The following ATP8A2 variants were observed in gnomAD, a reference collection of about 807,000 sequenced individuals.
The protein encoded by ATP8A2 is phospholipid-transporting ATPase IB.
A neutral mutation model predicts 165.6 loss-of-function variants in ATP8A2; 100 were observed. The observed-to-expected ratio is 0.60, with a 90% CI of 0.51 to 0.71. ATP8A2 has a LOEUF of 0.71. ATP8A2 is among the 30% of genes least tolerant of loss of function. ATP8A2 has a pLI of 0.00. For synonymous variants in ATP8A2, 543 were observed against 548.8 expected (o/e 0.99, Z 0.15); for missense variants, 1,227 against 1,479.5 (o/e 0.83, Z 2.80).
chr13:25,532,515 T>C (rs553408911), intron 5 of ATP8A2, among the ~76,000 whole-genome samples, 198 bp downstream of exon 5: 115 of 152,310 alleles, frequency 7.6e-4, no homozygotes, highest in African/African-American at 2.7e-3. Flanking sequence ...ATTTGTGTAT[T>C]TTAGAATGTT....
intron 25 of ATP8A2, among the ~76,000 whole-genome samples, chr13:25,768,089 G>T (rs576416455): frequency 9.4e-5 from 11 of 117,220 alleles, no homozygotes; most frequent in African/African-American, 3.5e-4. Flanking sequence ...GGGGGGGGTG[G>T]TGGGGGGGCA....
intron 26 of ATP8A2, 105 bp downstream of exon 26, chr13:25,769,334 CT>C: frequency 8.9e-7 from 1 of 1,123,572 alleles, no homozygotes; most frequent in Admixed American, 2.6e-5. Flanking sequence ...TCTGCCACCC[CT>C]CTTGAGGTTG....
intron 2 of ATP8A2, among the ~76,000 whole-genome samples, chr13:25,490,617 A>C (rs2036496736): frequency 6.6e-6 from 1 of 152,198 alleles, no homozygotes; most frequent in Non-Finnish European, 1.5e-5. Context: ...CTAAAAGTCC[A>C]TCTGCTTTTA....
intron 32 of ATP8A2, 50 bp downstream of exon 32, chr13:25,860,910 G>T: frequency 7.8e-7 from 1 of 1,281,678 alleles, no homozygotes; most frequent in African/African-American, 1.5e-5. Flanking sequence ...TATTTTTCAT[G>T]CTAGGATTTC....
intron 24 of ATP8A2, among the ~76,000 whole-genome samples, chr13:25,667,651 T>A (rs1026346639): frequency 3.4e-5 from 5 of 147,466 alleles, no homozygotes; most frequent in African/African-American, 9.9e-5. Context: ...CTTTTTTTTT[T>A]TATAAATTAC....
intron 33 of ATP8A2, among the ~76,000 whole-genome samples, chr13:25,924,344 CCT>C (rs1347890070): frequency 1.3e-5 from 2 of 152,120 alleles, no homozygotes; most frequent in African/African-American, 4.8e-5. Flanking sequence ...GGGTTGGTTC[CCT>C]CTCAGAGCAG....
chr13:25,438,295 A>G (rs2034835845), intron 1 of ATP8A2, among the ~76,000 whole-genome samples: 1 of 152,204 alleles, frequency 6.6e-6, no homozygotes, highest in Non-Finnish European at 1.5e-5. Flanking sequence ...GATGATTTCC[A>G]TTGAAAGATT....
intron 27 of ATP8A2, among the ~76,000 whole-genome samples, chr13:25,792,934 G>A (rs1410626747): frequency 6.8e-6 from 1 of 147,658 alleles, no homozygotes; most frequent in Non-Finnish European, 1.5e-5. Flanking sequence ...GAGAGAGAGA[G>A]AAAGAAGAAA....
At chr13:25,450,632 C>T (rs933299841) in intron 1 of ATP8A2, among the ~76,000 whole-genome samples, 9 of 152,036 alleles carry the variant, frequency 5.9e-5, no homozygotes, top group African/African-American at 9.7e-5. Flanking sequence ...CCCGGGTTCA[C>T]GCCATTCTCC....
intron 33 of ATP8A2, among the ~76,000 whole-genome samples, chr13:25,952,180 A>C (rs1293793423): frequency 6.6e-6 from 1 of 152,124 alleles, no homozygotes; most frequent in Non-Finnish European, 1.5e-5. Context: ...AATACGTTGA[A>C]CTGAGATGCC....
At chr13:25,424,522 T>A (rs1593288143) in intron 1 of ATP8A2, among the ~76,000 whole-genome samples, 1 of 152,224 alleles carries the variant, frequency 6.6e-6, no homozygotes, top group African/African-American at 2.4e-5. Context: ...CATAGGCATA[T>A]ATTTAAGTCT....
intron 1 of ATP8A2, among the ~76,000 whole-genome samples, chr13:25,429,803 G>A (rs945429276): frequency 2.4e-4 from 36 of 152,142 alleles, no homozygotes; most frequent in African/African-American, 8.7e-4. Context: ...CCACAGCATT[G>A]GGCAGGGAGC....
chr13:25,441,176 T>C (rs1210785552), intron 1 of ATP8A2, among the ~76,000 whole-genome samples: 1 of 152,236 alleles, frequency 6.6e-6, no homozygotes, highest in African/African-American at 2.4e-5. Context: ...GTTAGGTTTT[T>C]AATTTGCTCT....
intron 27 of ATP8A2, among the ~76,000 whole-genome samples, chr13:25,790,400 A>G (rs2045137168): frequency 6.6e-6 from 1 of 152,136 alleles, no homozygotes; most frequent in African/African-American, 2.4e-5. Context: ...ACCCCATTAA[A>G]AAGTGGGTAG....
chr13:25,871,186 T>C lies in ATP8A2; in HGVS notation c.3183+8778T>C, dbSNP rs141631937. 9.8e-4 allele frequency: 412 copies of C among 419,092 alleles called. 1 individual carries two copies. The highest frequency in any genetic ancestry group is 7.9e-3 in the African/African-American group (380 of 48,050). 26.0% of individuals were successfully genotyped at this position (419,092 alleles called of 1,614,324 possible). ...TTCTGATGTTAATTTTTAAAATATC[T>C]GTCAGCAAATTAAAGTACACATTAC... On this transcript the variant is annotated intron_variant, in intron 33 of 36. Transcript: ENST00000381655.
intron 1 of ATP8A2, among the ~76,000 whole-genome samples, chr13:25,392,580 AAAC>A (rs1432256211): frequency 6.6e-6 from 1 of 152,234 alleles, no homozygotes; most frequent in Non-Finnish European, 1.5e-5. Flanking sequence ...TCAGAAAAGA[AAAC>A]AAACTGTAAC....
chr13:25,940,284 C>A (rs79716536), intron 33 of ATP8A2, among the ~76,000 whole-genome samples: 1 of 152,164 alleles, frequency 6.6e-6, no homozygotes, highest in African/African-American at 2.4e-5. Context: ...TCCCAGAGTC[C>A]TCTGCTGATG....
At chr13:25,987,264 G>A (rs1008360931) in intron 35 of ATP8A2, among the ~76,000 whole-genome samples, 1 of 152,176 alleles carries the variant, frequency 6.6e-6, no homozygotes, top group African/African-American at 2.4e-5. Context: ...AGGTAATTTA[G>A]CCAAATTAGT....
rs149975988 is a variant in ATP8A2 at position 25,385,634 on chromosome 13, C to T, written c.76+13346C>T. On this transcript the variant is annotated intron_variant, in intron 1 of 36. Transcript: ENST00000381655. ...ATTGGTAACTTCTCTTCATATAATT[C>T]GAATTTCATGTGGATACAATGCCTT... is the stretch of plus-strand genomic sequence containing the variant. Among the ~76,000 whole-genome samples, 21 of 152,226 alleles carry T rather than the reference C, an allele frequency of 1.4e-4. No homozygotes were observed. The East Asian group carries it at 3.3e-3, about 24-fold the overall frequency.
Sources: gnomAD v4.1 joint callset for allele counts (sites outside exome capture counted in the v4.1 genomes callset) on GRCh38, gnomAD v4.1.1 for gene constraint, MANE v1.5 for transcripts, NCBI Gene and HGNC (gene_info 2026-07-23, HGNC 2026-07-21) for gene names.